Variants in LPP observed in about 807,000 individuals in gnomAD.
LPP encodes LIM domain containing preferred translocation partner in lipoma.
A neutral mutation model predicts 60.4 loss-of-function variants in LPP; 38 were observed. The ratio of observed to expected loss-of-function variants is 0.63; its 90% confidence interval spans 0.49 to 0.83. The LOEUF is 0.83. Among genes scored for constraint, LPP ranks in the 40% least tolerant of loss-of-function variants. The pLI, the probability that LPP is intolerant of heterozygous loss-of-function variation, is 0.00. For synonymous variants in LPP, 328 were observed against 290.8 expected, an observed-to-expected ratio of 1.13 and a Z score of -1.30; for missense variants, 902 against 783.6, an observed-to-expected ratio of 1.15 and a Z score of -1.80.
intron 3 of LPP, among the ~76,000 whole-genome samples, chr3:188,381,666 G>A (rs906721316): frequency 6.6e-6 from 1 of 152,114 alleles, no homozygotes; most frequent in Non-Finnish European, 1.5e-5. Context: ...CTTTTATATC[G>A]GTTGGGGGTA....
At chr3:188,171,103 A>T (rs139156740) in intron 1 of LPP, among the ~76,000 whole-genome samples, 1 of 152,268 alleles carries the variant, frequency 6.6e-6, no homozygotes, top group East Asian at 1.9e-4. Context: ...GTCTCAGTTT[A>T]TCTGTGTATG....
chr3:188,250,857 CTTTCT>C (rs1014330070), intron 2 of LPP, among the ~76,000 whole-genome samples: 10 of 144,450 alleles, frequency 6.9e-5, no homozygotes, highest in South Asian at 2.2e-4. Context: ...CTCTTTCTCT[CTTTCT>C]TTTCTTTTTC....
chr3:188,746,372 TGAAAG>T (rs1227151087), intron 8 of LPP: 6 of 451,154 alleles, frequency 1.3e-5, no homozygotes, highest in African/African-American at 1.2e-4. Flanking sequence ...GCTGAATAGA[TGAAAG>T]GAACAATCTA....
chr3:188,712,708 G>C (rs978673526), intron 8 of LPP: 4 of 152,138 alleles, frequency 2.6e-5, no homozygotes, highest in African/African-American at 9.7e-5. Flanking sequence ...CCTATTTAAT[G>C]CTGGAATTTT....
chr3:188,541,394 C>A (rs1268036070), intron 6 of LPP, among the ~76,000 whole-genome samples: 2 of 152,166 alleles, frequency 1.3e-5, no homozygotes, highest in African/African-American at 4.8e-5. Context: ...CTGTCTTCCT[C>A]TGTTCTCTTA....
At chr3:188,418,116 G>A (rs906533293) in intron 4 of LPP, among the ~76,000 whole-genome samples, 4 of 152,148 alleles carry the variant, frequency 2.6e-5, no homozygotes, top group African/African-American at 4.8e-5. Flanking sequence ...ATCCTGCAAC[G>A]TTATTATAGT....
rs137925295 is a variant in LPP, at chr3:188,604,735, C to G, written c.430-4426C>G. Among the ~76,000 whole-genome samples the G allele has an allele frequency of 2.9e-3, 446 of 152,164 alleles. 5 individuals are homozygous for G. The highest frequency in any genetic ancestry group is 5.0e-3 in the Non-Finnish European group (341 of 68,000). ...TCATCAAATATTTGTTAAATGCCAG[C>G]TTATGGGCTATGATATGATGAAGCA... On this transcript the variant is annotated intron_variant, in intron 6 of 11. Coordinates refer to ENST00000617246, the MANE Select transcript of LPP (RefSeq NM_001375462.1).
chr3:188,802,946 G>A (rs936094552), intron 9 of LPP, among the ~76,000 whole-genome samples: 3 of 151,654 alleles, frequency 2.0e-5, no homozygotes, highest in Non-Finnish European at 2.9e-5. Flanking sequence ...TTTTCTTCAT[G>A]ACAACCTGGT....
chr3:188,646,907 C>A (rs191549742), intron 7 of LPP, among the ~76,000 whole-genome samples: 82 of 152,330 alleles, frequency 5.4e-4, no homozygotes, highest in African/African-American at 1.9e-3. Context: ...CATCTCATTG[C>A]CACTTCCTGG....
intron 8 of LPP, among the ~76,000 whole-genome samples, chr3:188,741,091 T>A: frequency 6.6e-6 from 1 of 151,918 alleles, no homozygotes; most frequent in Non-Finnish European, 1.5e-5. Flanking sequence ...ACACTAGTTT[T>A]TAATATCTTC....
chr3:188,758,780 T>C (rs922341298), intron 8 of LPP: 1 of 152,152 alleles, frequency 6.6e-6, no homozygotes, highest in African/African-American at 2.4e-5. Flanking sequence ...TAATATAGCA[T>C]AGTGTTTAAG....
intron 8 of LPP, chr3:188,710,734 A>G (rs1352595814): frequency 6.6e-6 from 1 of 151,198 alleles, no homozygotes; most frequent in Non-Finnish European, 1.5e-5. Context: ...TATGCTTCAA[A>G]TATCATAGCA....
At chr3:188,166,676 C>T (rs75708262) in intron 1 of LPP, among the ~76,000 whole-genome samples, 7 of 152,332 alleles carry the variant, frequency 4.6e-5, no homozygotes, top group African/African-American at 9.6e-5. Context: ...TTTCTATTAT[C>T]GCAATGCCAG....
chr3:188,195,482 A>C lies in LPP; in HGVS notation c.-189-29923A>C, dbSNP rs568981803. The stretch of plus-strand genomic sequence containing the variant: ...TTTCTCAATGAAGTGGCAAGCATCT[A>C]TCCATCCTTCCATTCATTTTGTCAT... On this transcript the variant is annotated intron_variant, in intron 1 of 11. Coordinates refer to ENST00000617246, the MANE Select transcript of LPP (RefSeq NM_001375462.1). Among the ~76,000 whole-genome samples the C allele has an allele frequency of 2.4e-4, 37 of 152,322 alleles. No homozygotes were observed. The East Asian group carries it at 6.6e-3, about 27-fold the overall frequency.
At chr3:188,767,334 T>C (rs955830364) in intron 9 of LPP, among the ~76,000 whole-genome samples, 1 of 152,080 alleles carries the variant, frequency 6.6e-6, no homozygotes, top group African/African-American at 2.4e-5. Flanking sequence ...ATGTCACAGT[T>C]CCCCATGAAG....
intron 2 of LPP, among the ~76,000 whole-genome samples, chr3:188,304,000 C>A (rs571467280): frequency 6.6e-6 from 1 of 152,114 alleles, no homozygotes; most frequent in African/African-American, 2.4e-5. Flanking sequence ...AGTGCCCTGG[C>A]GGAAATCTAC....
chr3:188,455,247 C>A (rs1797471283), intron 4 of LPP, among the ~76,000 whole-genome samples: 1 of 151,980 alleles, frequency 6.6e-6, no homozygotes, highest in Non-Finnish European at 1.5e-5. Context: ...TATTTGGGGA[C>A]TAGCAAAGTG....
chr3:188,762,204 G>A (rs1008650693), intron 9 of LPP, among the ~76,000 whole-genome samples: 12 of 152,072 alleles, frequency 7.9e-5, no homozygotes, highest in East Asian at 3.9e-4. Flanking sequence ...ATTTCGTTAC[G>A]TCACTTAGTG....
intron 4 of LPP, among the ~76,000 whole-genome samples, chr3:188,438,354 TACACACACACACACACACACAC>T (rs67832532): frequency 7.2e-6 from 1 of 138,010 alleles, no homozygotes; most frequent in Admixed American, 7.3e-5. Flanking sequence ...TTCCATGCAT[TACACACACACACACACACACAC>T]ACACACACAC....
Sources: allele counts gnomAD v4.1 joint callset (sites outside exome capture counted in the v4.1 genomes callset), GRCh38; gene constraint gnomAD v4.1.1; transcripts MANE v1.5; gene names NCBI Gene and HGNC (gene_info 2026-07-23, HGNC 2026-07-21).